CDH13: variants seen among roughly 807,000 people sequenced by gnomAD.
CDH13 encodes the protein cadherin 13, also known as cadherin-13.
A neutral mutation model predicts 63.8 loss-of-function variants in CDH13; 24 were observed. The ratio of observed to expected loss-of-function variants is 0.38; its 90% CI spans 0.27 to 0.53. The LOEUF is 0.53. Ranked by LOEUF, CDH13 falls within the 20% of genes least tolerant of loss-of-function variation. The probability of loss-of-function intolerance (pLI) is 0.85; values close to 1 mark genes in which losing one functional copy is unlikely to be tolerated. For synonymous variants in CDH13, 503 were observed against 355.3 expected (o/e 1.42, Z -4.67); for missense variants, 1,049 against 903.1 (o/e 1.16, Z -2.07).
At chr16:83,282,819 C>T (rs1045816484) in intron 5 of CDH13, among the ~76,000 whole-genome samples, 1 of 152,190 alleles carries the variant, frequency 6.6e-6, no homozygotes, top group Non-Finnish European at 1.5e-5. Flanking sequence ...GGTGGATTTT[C>T]ATCAAAGCAT....
At chr16:82,928,391 T>C (rs1028773636) in intron 2 of CDH13, among the ~76,000 whole-genome samples, 4 of 152,208 alleles carry the variant, frequency 2.6e-5, no homozygotes, top group African/African-American at 7.2e-5. Context: ...AATGATACTG[T>C]TGAATTGAAG....
chr16:82,742,732 A>G (rs767664203), intron 1 of CDH13, among the ~76,000 whole-genome samples: 111 of 152,340 alleles, frequency 7.3e-4, no homozygotes, highest in Non-Finnish European at 7.8e-4. Flanking sequence ...ACTCTGAAGA[A>G]CGCATGCTCC....
chr16:83,685,856 A>G (rs940132684), intron 10 of CDH13, among the ~76,000 whole-genome samples: 1 of 152,162 alleles, frequency 6.6e-6, no homozygotes, highest in Non-Finnish European at 1.5e-5. Context: ...GCCTCTAGGG[A>G]ATAGGGTGCC....
chr16:83,285,299 C>A (rs1258810455), intron 5 of CDH13, among the ~76,000 whole-genome samples: 1 of 152,076 alleles, frequency 6.6e-6, no homozygotes, highest in Non-Finnish European at 1.5e-5. Flanking sequence ...TAGTCAATTT[C>A]TCCTTGGTAT....
At chr16:83,000,567 CTTTTCTCT>C (rs1312189936) in intron 2 of CDH13, among the ~76,000 whole-genome samples, 1,440 of 138,246 alleles carry the variant, frequency 0.01, 24 homozygotes, top group African/African-American at 0.034. Context: ...TCTCTTTTTT[CTTTTCTCT>C]TTTTTTTTTT....
Position 83,626,995 on chromosome 16 carries a change from C to G in CDH13, c.1101+24401C>G, listed in dbSNP as rs1189989318. On this transcript the variant is annotated intron_variant, in intron 8 of 13. Transcript: ENST00000567109. Reference sequence around the variant, plus strand: ...TCCCTGATGGTCCTTAAAAAGATTCCTATTCAGCCAGGCGTTGTGGCTCAT... The same window carrying G: ...TCCCTGATGGTCCTTAAAAAGATTCGTATTCAGCCAGGCGTTGTGGCTCAT... 3.3e-5 allele frequency among the ~76,000 whole-genome samples: 5 copies of G among 152,086 alleles called. No individual in the cohort carries two copies. The East Asian group carries it at 9.6e-4, about 29-fold the overall frequency.
rs1598162530 is a variant in CDH13 at position 83,500,295 on chromosome 16, TC to T, written c.960+13642del. Among the ~76,000 whole-genome samples, 16 of 2,014 alleles carry T rather than the reference TC, an allele frequency of 7.9e-3. 3 individuals carry two copies. Among genetic ancestry groups the T allele is most frequent in the Non-Finnish European group, 0.071 (5 of 70 alleles). The allele number at this position is 2,014 out of a possible 152,430, so 1.3% of individuals were successfully genotyped here. On this transcript the variant is annotated intron_variant, in intron 7 of 13. Coordinates refer to ENST00000567109, the MANE Select transcript of CDH13 (RefSeq NM_001257.5). ...CTTCTTCTTCTTCTTCTTCTTCTTC[TC>T]CTTCTCCTTCTCCTTCTCCTTCTCC...
At chr16:83,235,209 A>C (rs12325519) in intron 5 of CDH13, among the ~76,000 whole-genome samples, 2,365 of 152,192 alleles carry the variant, frequency 0.016, 63 homozygotes, top group African/African-American at 0.055. Context: ...AGTCTCAAAA[A>C]AGTACATACA....
At chr16:83,197,733 C>T (rs1029192166) in intron 4 of CDH13, among the ~76,000 whole-genome samples, 16 of 151,804 alleles carry the variant, frequency 1.1e-4, no homozygotes, top group Non-Finnish European at 2.1e-4. Flanking sequence ...CAAGCCAATA[C>T]GTAGATAAAA....
intron 5 of CDH13, among the ~76,000 whole-genome samples, chr16:83,338,640 G>T (rs1004477096): frequency 1.3e-5 from 2 of 152,218 alleles, no homozygotes; most frequent in Admixed American, 1.3e-4. Flanking sequence ...TTCTGGAGGA[G>T]TAAGGGAGGC....
At chr16:83,435,574 G>A (rs147602176) in intron 6 of CDH13, among the ~76,000 whole-genome samples, 1 of 152,276 alleles carries the variant, frequency 6.6e-6, no homozygotes, top group East Asian at 1.9e-4. Flanking sequence ...TGGTCTCCCT[G>A]AACGTGCCAC....
chr16:82,712,752 C>A (rs921572941), intron 1 of CDH13, among the ~76,000 whole-genome samples: 2 of 152,158 alleles, frequency 1.3e-5, no homozygotes, highest in East Asian at 3.9e-4. Context: ...GTTCGCATAG[C>A]CTTTCCTGGG....
chr16:82,852,410 C>T (rs570341050), intron 1 of CDH13, among the ~76,000 whole-genome samples: 1 of 152,174 alleles, frequency 6.6e-6, no homozygotes, highest in Admixed American at 6.5e-5. Context: ...TGGGCTCTTT[C>T]TATTGGATGA....
chr16:82,655,139 C>T (rs1911154381), intron 1 of CDH13, among the ~76,000 whole-genome samples: 1 of 152,242 alleles, frequency 6.6e-6, no homozygotes, highest in African/African-American at 2.4e-5. Context: ...TTTCCCAACA[C>T]ATTTACTGAA....
In CDH13 at chr16:83,259,077, C is replaced by G. The variant is rs190296387; in HGVS notation, c.636+41580C>G. 1.8e-4 allele frequency among the ~76,000 whole-genome samples: 27 copies of G among 152,254 alleles called. No homozygotes were observed. The East Asian group carries it at 3.7e-3, about 21-fold the overall frequency. ...GAAGGGGGAAAATGTGTCCTCCTAG[C>G]CAGGGCTGTGGTAGGATGTGGGGAG... On this transcript the variant is annotated intron_variant, in intron 5 of 13. Coordinates refer to ENST00000567109, the MANE Select transcript of CDH13 (RefSeq NM_001257.5).
intron 1 of CDH13, among the ~76,000 whole-genome samples, chr16:82,822,936 G>C (rs1364273649): frequency 6.6e-6 from 1 of 152,200 alleles, no homozygotes; most frequent in Non-Finnish European, 1.5e-5. Flanking sequence ...GCCGAGGCTG[G>C]AGTCATCTGG....
At chr16:83,554,608 C>T (rs530658575) in intron 7 of CDH13, among the ~76,000 whole-genome samples, 80 of 152,032 alleles carry the variant, frequency 5.3e-4, no homozygotes, top group African/African-American at 1.9e-3. Context: ...ACTTGGTTGC[C>T]TGATAACAAA....
intron 2 of CDH13, 29 bp from the exon 3 acceptor site, chr16:83,031,981 C>T (rs1314317681): frequency 6.5e-7 from 1 of 1,538,192 alleles, no homozygotes; most frequent in African/African-American, 1.4e-5. Flanking sequence ...CCTACTCATG[C>T]TCCTTCTGTT....
At chr16:83,556,045 C>T (rs2075594934) in intron 7 of CDH13, among the ~76,000 whole-genome samples, 1 of 152,102 alleles carries the variant, frequency 6.6e-6, no homozygotes, top group African/African-American at 2.4e-5. Context: ...AACTATGCAC[C>T]AGTATTAATT....
Sources: allele counts gnomAD v4.1 joint callset (sites outside exome capture counted in the v4.1 genomes callset), GRCh38; gene constraint gnomAD v4.1.1; transcripts MANE v1.5; gene names NCBI Gene and HGNC (gene_info 2026-07-23, HGNC 2026-07-21).